AFF2: variants seen among roughly 807,000 people sequenced by gnomAD.
AFF2 encodes the protein ALF transcription elongation factor 2, also known as AF4/FMR2 family member 2.
AFF2 carries 14 observed loss-of-function variants against 76.9 expected under a neutral mutation model. The ratio of observed to expected loss-of-function variants is 0.18; its 90% confidence interval spans 0.12 to 0.28. The LOEUF (loss-of-function observed/expected upper bound fraction) is 0.28. Ranked by LOEUF, AFF2 falls within the 10% of genes least tolerant of loss-of-function variation. AFF2 has a pLI of 1.00. For missense variants in AFF2, 868 were observed against 1,001.1 expected (o/e 0.87, Z 1.79); for synonymous variants, 398 against 366.7 (o/e 1.09, Z -0.98).
chrX:148,748,499 G>A (rs1042944398), intron 3 of AFF2, among the ~76,000 whole-genome samples: 10 of 111,646 alleles, frequency 9.0e-5, no homozygotes, highest in Non-Finnish European at 1.7e-4. Context: ...AGCAAATACC[G>A]GACTCATTCT....
In AFF2 at chrX:148,905,924, G is replaced by A. The variant is rs181674717; in HGVS notation, c.1397+1666G>A. Reference sequence around the variant, plus strand: ...TCTATCTAATGTCTAGCGTTTTGAGGAATGTTATAAAAAGAAGGAACAGAA... The same window carrying A: ...TCTATCTAATGTCTAGCGTTTTGAGAAATGTTATAAAAAGAAGGAACAGAA... On this transcript the variant is annotated intron_variant, in intron 9 of 20. Coordinates refer to ENST00000370460, the MANE Select transcript of AFF2 (RefSeq NM_002025.4). Among the ~76,000 whole-genome samples the A allele has an allele frequency of 4.1e-3, 460 of 112,576 alleles. 2 individuals carry two copies. The highest frequency in any genetic ancestry group is 5.4e-3 in the Non-Finnish European group (288 of 53,340).
chrX:148,821,419 C>T (rs139808357), intron 4 of AFF2, among the ~76,000 whole-genome samples: 70 of 111,043 alleles, frequency 6.3e-4, no homozygotes, highest in African/African-American at 2.2e-3. Context: ...AACTTCCAAA[C>T]CCAGATCTTG....
chrX:148,587,305 A>G (rs892302450), intron 1 of AFF2, among the ~76,000 whole-genome samples: 2 of 112,171 alleles, frequency 1.8e-5, no homozygotes, highest in African/African-American at 3.2e-5. Flanking sequence ...AGCCAGAAGG[A>G]GCCAACCACT....
At chrX:148,693,992 A>G (rs782431244) in intron 3 of AFF2, among the ~76,000 whole-genome samples, 3 of 111,316 alleles carry the variant, frequency 2.7e-5, no homozygotes, top group South Asian at 3.8e-4. Flanking sequence ...TGCAGCCGTA[A>G]AAAATGATGA....
chrX:148,676,145 C>T (rs782013764), intron 3 of AFF2, among the ~76,000 whole-genome samples: 6 of 107,039 alleles, frequency 5.6e-5, no homozygotes, highest in African/African-American at 1.7e-4. Context: ...CTGCAAGCTC[C>T]GCCTCCCAGG....
At chrX:148,682,623 T>A (rs1422549223) in intron 3 of AFF2, among the ~76,000 whole-genome samples, 1 of 107,033 alleles carries the variant, frequency 9.3e-6, no homozygotes, top group East Asian at 2.9e-4. Context: ...GATGGATGGA[T>A]GGACATTTCA....
intron 1 of AFF2, among the ~76,000 whole-genome samples, chrX:148,648,372 T>A (rs185467762): frequency 9.2e-6 from 1 of 108,681 alleles, no homozygotes; most frequent in African/African-American, 3.4e-5. Context: ...ACCAGCCTGG[T>A]CAACATGGCA....
In AFF2 at chrX:148,693,419, G is replaced by A. The variant is rs147063178; in HGVS notation, c.1041+30651G>A. On this transcript the variant is annotated intron_variant, in intron 3 of 20. Coordinates refer to ENST00000370460, the MANE Select transcript of AFF2 (RefSeq NM_002025.4). ...TGCTCAGAAAGAGGCAGGGATCTGG[G>A]ACACTTGGAACACACCATGGACGTG... Among the ~76,000 whole-genome samples, 886 of 112,089 alleles carry A rather than the reference G, an allele frequency of 7.9e-3. 1 individual carries two copies. The highest frequency in any genetic ancestry group is 0.013 in the Non-Finnish European group (704 of 53,180).
At chrX:148,700,883 A>G (rs2054782098) in intron 3 of AFF2, among the ~76,000 whole-genome samples, 1 of 111,426 alleles carries the variant, frequency 9.0e-6, no homozygotes, top group Non-Finnish European at 1.9e-5. Context: ...CTTAGAGATT[A>G]TAAGGCTCAA....
intron 1 of AFF2, among the ~76,000 whole-genome samples, chrX:148,559,789 C>T (rs1308154379): frequency 9.0e-6 from 1 of 111,297 alleles, no homozygotes; most frequent in Non-Finnish European, 1.9e-5. Flanking sequence ...TGGGTATATA[C>T]CTAGTAATGG....
At chrX:148,901,888 T>C (rs1603337583) in intron 8 of AFF2, among the ~76,000 whole-genome samples, 1 of 111,766 alleles carries the variant, frequency 8.9e-6, no homozygotes. Context: ...AGATTCAAGG[T>C]GATGAGCACA....
intron 3 of AFF2, among the ~76,000 whole-genome samples, chrX:148,666,973 A>T (rs1015783206): frequency 1.8e-5 from 2 of 112,347 alleles, no homozygotes; most frequent in Non-Finnish European, 3.8e-5. Context: ...GAAAGGATTG[A>T]TATCACATAT....
At chrX:148,719,047 G>A in intron 3 of AFF2, 1 of 1,049,112 alleles carries the variant, frequency 9.5e-7, no homozygotes, top group Non-Finnish European at 1.2e-6. Flanking sequence ...TAAAGAACAT[G>A]GTGATTCCAC....
At chrX:148,558,988 G>C (rs2053081326) in intron 1 of AFF2, among the ~76,000 whole-genome samples, 1 of 111,019 alleles carries the variant, frequency 9.0e-6, no homozygotes, top group Non-Finnish European at 1.9e-5. Context: ...TAGTGTGTGA[G>C]ATAGTGGTAA....
intron 3 of AFF2, among the ~76,000 whole-genome samples, chrX:148,726,893 T>C (rs1557264292): frequency 2.7e-5 from 3 of 111,458 alleles, no homozygotes; most frequent in African/African-American, 3.3e-5. Flanking sequence ...ATGGTCCCCA[T>C]GCAGACACAC....
At chrX:148,978,282 G>A (rs1390060228) in intron 17 of AFF2, 80 bp from the exon 18 acceptor site, 12 of 688,108 alleles carry the variant, frequency 1.7e-5, no homozygotes, top group Non-Finnish European at 2.3e-5. Context: ...ACTGCAAATT[G>A]TGAATCAGCA....
At chrX:148,605,042 T>TA (rs1319762487) in intron 1 of AFF2, among the ~76,000 whole-genome samples, 2 of 111,779 alleles carry the variant, frequency 1.8e-5, no homozygotes, top group Non-Finnish European at 3.8e-5. Context: ...AAAACCTAGA[T>TA]AAAATCAATA....
chrX:148,574,946 GT>G (rs2053269157), intron 1 of AFF2, among the ~76,000 whole-genome samples: 16 of 18,014 alleles, frequency 8.9e-4, no homozygotes, highest in East Asian at 0.014. Flanking sequence ...GTGCTGGGGT[GT>G]GTGTGTGTGT....
rs868958245 is a variant in AFF2, at chrX:148,983,953, C to A, written c.3623+3163C>A. Among the ~76,000 whole-genome samples, 72 of 29,061 alleles carry A rather than the reference C, an allele frequency of 2.5e-3. 1 individual carries two copies. Among genetic ancestry groups the A allele is most frequent in the African/African-American group, 3.8e-3 (33 of 8,620 alleles). 25.2% of individuals were successfully genotyped at this position (29,061 alleles called of 115,157 possible). A position where few individuals can be genotyped will look rare whatever the true frequency, so the allele number is the denominator to read the frequency against. On this transcript the variant is annotated intron_variant, in intron 19 of 20. Coordinates refer to ENST00000370460, the MANE Select transcript of AFF2 (RefSeq NM_002025.4). ...GAAGTATGGCACAGAGTGAAATAGA[C>A]AAAAAAAAAAAAAAACTGCCCTCAT... is the stretch of plus-strand genomic sequence containing the variant.
Sources: allele counts gnomAD v4.1 joint callset (sites outside exome capture counted in the v4.1 genomes callset), GRCh38; gene constraint gnomAD v4.1.1; transcripts MANE v1.5; gene names NCBI Gene and HGNC (gene_info 2026-07-23, HGNC 2026-07-21).